The following ATXN1 variants were observed in gnomAD, a reference collection of about 807,000 sequenced individuals.
The protein encoded by ATXN1 is ataxin-1.
Under a neutral mutation model 56.4 loss-of-function variants are expected in ATXN1, and 8 were observed. The observed-to-expected ratio is 0.14, with a 90% CI of 0.08 to 0.26. The LOEUF (loss-of-function observed/expected upper bound fraction) is 0.26, where lower values mean the gene tolerates loss of function less well. ATXN1 is among the 10% of genes least tolerant of loss of function. The pLI, the probability that ATXN1 is intolerant of heterozygous loss-of-function variation, is 1.00. For synonymous variants in ATXN1, 514 were observed against 494.6 expected, an observed-to-expected ratio of 1.04 and a Z score of -0.52; for missense variants, 987 against 1,106.5, an observed-to-expected ratio of 0.89 and a Z score of 1.53.
intron 5 of ATXN1, among the ~76,000 whole-genome samples, chr6:16,513,298 T>C (rs1451564862): frequency 6.6e-6 from 1 of 152,250 alleles, no homozygotes; most frequent in Non-Finnish European, 1.5e-5. Context: ...GTTAGCTGAC[T>C]CTGAAGCCTG....
chr6:16,588,477 T>C (rs1762667390), intron 3 of ATXN1, among the ~76,000 whole-genome samples: 1 of 152,196 alleles, frequency 6.6e-6, no homozygotes, highest in Admixed American at 6.5e-5. Flanking sequence ...TCAAATGACC[T>C]TGTATTCTTT....
At chr6:16,583,557 C>T (rs1561766357) in intron 4 of ATXN1, among the ~76,000 whole-genome samples, 1 of 152,106 alleles carries the variant, frequency 6.6e-6, no homozygotes. Flanking sequence ...GATGAGCCAA[C>T]TAGGGCAGCT....
chr6:16,470,565 T>C (rs1434135179), intron 6 of ATXN1, among the ~76,000 whole-genome samples: 1 of 152,200 alleles, frequency 6.6e-6, no homozygotes, highest in Non-Finnish European at 1.5e-5. Flanking sequence ...ATCTGATTAT[T>C]ATTATGTTAG....
At chr6:16,603,095 C>T (rs552353254) in intron 3 of ATXN1, among the ~76,000 whole-genome samples, 3 of 152,308 alleles carry the variant, frequency 2.0e-5, no homozygotes, top group South Asian at 4.2e-4. Context: ...CTGGGATTGA[C>T]CCAGCCACCT....
At chr6:16,509,398 T>C (rs1455548744) in intron 5 of ATXN1, among the ~76,000 whole-genome samples, 1 of 152,214 alleles carries the variant, frequency 6.6e-6, no homozygotes, top group Non-Finnish European at 1.5e-5. Flanking sequence ...CATACTATGT[T>C]AGATAGGATG....
chr6:16,693,477 C>T (rs542781239), intron 2 of ATXN1, among the ~76,000 whole-genome samples: 1 of 152,294 alleles, frequency 6.6e-6, no homozygotes, highest in Admixed American at 6.5e-5. Context: ...CAACTTTCAG[C>T]CTCTCAAAGC....
At chr6:16,422,863 A>G (rs1458580345) in intron 6 of ATXN1, among the ~76,000 whole-genome samples, 2 of 152,196 alleles carry the variant, frequency 1.3e-5, no homozygotes, top group African/African-American at 2.4e-5. Context: ...ATGTGGTCTA[A>G]TTTCAGTTCT....
chr6:16,460,896 G>A (rs1759979968), intron 6 of ATXN1, among the ~76,000 whole-genome samples: 1 of 152,224 alleles, frequency 6.6e-6, no homozygotes, highest in Non-Finnish European at 1.5e-5. Flanking sequence ...AAGAATAAAT[G>A]TGTATACAGA....
At chr6:16,617,741 T>C (rs931878443) in intron 3 of ATXN1, among the ~76,000 whole-genome samples, 5 of 124,516 alleles carry the variant, frequency 4.0e-5, no homozygotes, top group African/African-American at 1.7e-4. Context: ...CACTCCTGCC[T>C]GGGCAATAGA....
At chr6:16,727,622 A>G (rs994615052) in intron 2 of ATXN1, among the ~76,000 whole-genome samples, 3 of 152,296 alleles carry the variant, frequency 2.0e-5, no homozygotes, top group Non-Finnish European at 2.9e-5. Flanking sequence ...TAATGCATGC[A>G]AACAGGAACT....
At chr6:16,661,804 T>C (rs747120921) in intron 2 of ATXN1, among the ~76,000 whole-genome samples, 8 of 152,198 alleles carry the variant, frequency 5.3e-5, no homozygotes, top group Non-Finnish European at 1.0e-4. Context: ...CTAGCATCTA[T>C]GTGAGTGGAT....
intron 6 of ATXN1, among the ~76,000 whole-genome samples, chr6:16,447,255 C>T (rs1759654866): frequency 6.6e-6 from 1 of 152,126 alleles, no homozygotes; most frequent in South Asian, 2.1e-4. Context: ...GACAGGGTCT[C>T]GTTCTGTCAC....
chr6:16,458,013 C>T (rs1448559426), intron 6 of ATXN1, among the ~76,000 whole-genome samples: 9 of 152,174 alleles, frequency 5.9e-5, no homozygotes, highest in Admixed American at 5.9e-4. Flanking sequence ...CTACAGGGTC[C>T]AGGGCAAACC....
intron 6 of ATXN1, among the ~76,000 whole-genome samples, chr6:16,394,636 A>C (rs749985665): frequency 3.3e-5 from 5 of 152,192 alleles, no homozygotes; most frequent in Non-Finnish European, 5.9e-5. Context: ...AGACCCTATA[A>C]AATTCAGCTC....
intron 6 of ATXN1, among the ~76,000 whole-genome samples, chr6:16,360,480 A>G (rs1761786021): frequency 6.6e-6 from 1 of 152,220 alleles, no homozygotes; most frequent in Non-Finnish European, 1.5e-5. Context: ...CTGGGATTAC[A>G]CTGGCTGAGC....
At chr6:16,429,303 C>G (rs974529991) in intron 6 of ATXN1, among the ~76,000 whole-genome samples, 23 of 150,800 alleles carry the variant, frequency 1.5e-4, no homozygotes, top group African/African-American at 5.6e-4. Flanking sequence ...CCCCAAGTTT[C>G]TCACTGGCAC....
At chr6:16,749,980 C>A (rs1042254769) in intron 2 of ATXN1, 28 of 152,306 alleles carry the variant, frequency 1.8e-4, no homozygotes, top group Admixed American at 4.6e-4. Flanking sequence ...ACATACCGTG[C>A]ATTGGCTTGT....
chr6:16,665,642 T>C (rs1758408864), intron 2 of ATXN1, among the ~76,000 whole-genome samples: 2 of 152,168 alleles, frequency 1.3e-5, no homozygotes, highest in African/African-American at 2.4e-5. Context: ...GAACTCTAGG[T>C]TTCCTTCTGG....
intron 4 of ATXN1, among the ~76,000 whole-genome samples, chr6:16,567,828 G>C (rs1762257492): frequency 6.6e-6 from 1 of 152,164 alleles, no homozygotes; most frequent in Non-Finnish European, 1.5e-5. Context: ...GTTCCACAGA[G>C]CAAATAACTG....
Sources: gnomAD v4.1 joint callset for allele counts (sites outside exome capture counted in the v4.1 genomes callset) on GRCh38, gnomAD v4.1.1 for gene constraint, MANE v1.5 for transcripts, NCBI Gene and HGNC (gene_info 2026-07-23, HGNC 2026-07-21) for gene names.